PRPH: variants seen among roughly 807,000 people sequenced by gnomAD.
PRPH encodes peripherin, also known as neurofilament 4 (57kD).
In PRPH, 48 loss-of-function variants were observed where a neutral mutation model predicts 52.6. That is an observed-to-expected ratio of 0.91 (90% CI 0.72 to 1.16). PRPH has a LOEUF of 1.16. Among genes scored for constraint, PRPH ranks in the 50% most tolerant of loss-of-function variants. PRPH has a pLI of 0.00. For missense variants in PRPH, 579 were observed against 635.7 expected, an observed-to-expected ratio of 0.91 and a Z score of 0.96; for synonymous variants, 279 against 283.8, an observed-to-expected ratio of 0.98 and a Z score of 0.17.
At chr12:49,298,219 G>C (rs2137041273) in intron 8 of PRPH, 69 bp from the exon 9 acceptor site, 1 of 1,587,408 alleles carries the variant, frequency 6.3e-7, no homozygotes, top group East Asian at 2.2e-5. Flanking sequence ...GGGGCTCTAT[G>C]ATCCAAAGGA....
Position 49,296,800 on chromosome 12 carries a change from C to T in PRPH, c.703-89C>T. 4 of 1,532,448 alleles carry T rather than the reference C, an allele frequency of 2.6e-6. No homozygotes were observed. The highest frequency in any genetic ancestry group is 3.5e-6 in the Non-Finnish European group (4 of 1,135,464). 94.9% of individuals were successfully genotyped at this position (1,532,448 alleles called of 1,614,324 possible). ...TCCCTGGCGCCCACTTCTGTTCGTT[C>T]AAGCGTTTCTTCTCTTTTCTGTGCA... On this transcript the variant is annotated intron_variant, in intron 3 of 8. Transcript: ENST00000257860. This position sits in a 1 kb window ranked among gnomAD's most constrained non-coding sequence, Gnocchi z 5.1.
In PRPH at chr12:49,296,787, A is replaced by G. The variant is rs1426724537; in HGVS notation, c.703-102A>G. 9 of 1,468,842 alleles carry G rather than the reference A, an allele frequency of 6.1e-6. No individual in the cohort carries two copies. The highest frequency in any genetic ancestry group is 1.2e-5 in the South Asian group (1 of 82,794). The allele number at this position is 1,468,842 out of a possible 1,614,324, so 91.0% of individuals were successfully genotyped here. On this transcript the variant is annotated intron_variant, in intron 3 of 8. Transcript: ENST00000257860. This position sits in a 1 kb window ranked among gnomAD's most constrained non-coding sequence, Gnocchi z 5.1. The stretch of plus-strand genomic sequence containing the variant: ...GTACGCCCTGCCCTCCCTGGCGCCC[A>G]CTTCTGTTCGTTCAAGCGTTTCTTC...
intron 1 of PRPH, 139 bp downstream of exon 1, chr12:49,295,884 G>A (rs879718441): frequency 1.4e-6 from 2 of 1,439,602 alleles, no homozygotes; most frequent in African/African-American, 2.9e-5. Flanking sequence ...AGGTGTGTGC[G>A]GGCAGCATCC....
Position 49,295,350 on chromosome 12 carries a change from C to G in PRPH, c.150C>G (p.Ser50=). 1 of 1,610,662 alleles carries G rather than the reference C, an allele frequency of 6.2e-7. No homozygotes were observed. The highest frequency in any genetic ancestry group is 8.5e-7 in the Non-Finnish European group (1 of 1,179,300). ...FSSSRLLGSA[S]PSSSVRLGSF... ...GCAGCCGCCTGCTGGGCTCCGCGTC[C>G]CCGAGCTCCTCGGTGCGCCTGGGCA... The change falls in exon 1 of 9, where the codon TCC becomes TCG. Residue 50 remains serine (S), a synonymous_variant. Transcript: ENST00000257860.
Position 49,295,421 on chromosome 12 carries a change from C to A in PRPH, c.221C>A (p.Pro74His). 6.2e-7 allele frequency: 1 copy of A among 1,604,146 alleles called. No individual in the cohort carries two copies. The highest frequency in any genetic ancestry group is 8.5e-7 in the Non-Finnish European group (1 of 1,176,234). The change falls in exon 1 of 9, where the codon CCC becomes CAC. Residue 74 changes from proline to histidine, a missense_variant. Physicochemically the swap from Pro to His is moderately conservative, Grantham distance 77. Coordinates refer to ENST00000257860, the MANE Select transcript of PRPH (RefSeq NM_006262.4). ...RAGAGALLRLPSERLDFSMAE... is the reference protein window; with the variant it reads ...RAGAGALLRLHSERLDFSMAE... ...GGAGCGGGCGCCCTCCTGCGCCTGCCCTCGGAGCGCCTCGACTTCTCCATG... is the reference window on the plus strand; with the variant it reads ...GGAGCGGGCGCCCTCCTGCGCCTGCACTCGGAGCGCCTCGACTTCTCCATG...
chr12:49,297,281 C>G lies in PRPH; in HGVS notation c.996+8C>G. 1 of 1,613,788 alleles carries G rather than the reference C, an allele frequency of 6.2e-7. No individual in the cohort carries two copies. Among genetic ancestry groups the G allele is most frequent in the Non-Finnish European group, 8.5e-7 (1 of 1,179,956 alleles). On this transcript the variant is annotated splice_region_variant and intron_variant, in intron 5 of 8. Transcript: ENST00000257860. The surrounding 1 kb of genome is among the most constrained non-coding windows in gnomAD (Gnocchi z 4.4). ...GACGGGCTGCGCGGCACGGTGAGTA[C>G]GAAGCTGCGCGCTCGGGCCCGGGGA...
Position 49,298,503 on chromosome 12 carries a change from C to A in PRPH, c.*150C>A. 1.3e-6 allele frequency: 1 copy of A among 794,534 alleles called. No individual in the cohort carries two copies. Among genetic ancestry groups the A allele is most frequent in the Non-Finnish European group, 2.1e-6 (1 of 481,832 alleles). The allele number at this position is 794,534 out of a possible 1,614,324, so 49.2% of individuals were successfully genotyped here. ...TGGCTTATGGCCAAGCCCTACCCGGCCAGCAGTCGCTGGGCCTCTCCCTGC... is the reference window on the plus strand; with the variant it reads ...TGGCTTATGGCCAAGCCCTACCCGGACAGCAGTCGCTGGGCCTCTCCCTGC... On this transcript the variant is annotated 3_prime_UTR_variant, in exon 9 of 9. Transcript: ENST00000257860.
chr12:49,298,435 C>A lies in PRPH; in HGVS notation c.*82C>A, dbSNP rs7137584. ...AGACCACTCCTGAATTGTCTCCTCTCCCTCTGCATGTGTCTAAAAGGTGGT... is the reference window on the plus strand; with the variant it reads ...AGACCACTCCTGAATTGTCTCCTCTACCTCTGCATGTGTCTAAAAGGTGGT... On this transcript the variant is annotated 3_prime_UTR_variant, in exon 9 of 9. Coordinates refer to ENST00000257860, the MANE Select transcript of PRPH (RefSeq NM_006262.4). 1.0e-4 allele frequency: 146 copies of A among 1,446,528 alleles called. No individual in the cohort carries two copies. The highest frequency in any genetic ancestry group is 6.9e-4 in the Middle Eastern group (4 of 5,790). The allele number at this position is 1,446,528 out of a possible 1,614,324, so 89.6% of individuals were successfully genotyped here. A position where few individuals can be genotyped will look rare whatever the true frequency, so the allele number is the denominator to read the frequency against.
In PRPH at chr12:49,297,539, C is replaced by G; in HGVS notation, c.1179C>G (p.Ile393Met). Residue 393 changes from isoleucine (I) to methionine (M), a missense_variant, in exon 6 of 9, where the codon ATC (isoleucine) becomes ATG (methionine). Ile to Met is a conservative substitution (Grantham distance 10). Transcript: ENST00000257860. The surrounding 1 kb of genome is among the most constrained non-coding windows in gnomAD (Gnocchi z 4.4). ...TCAAGATGGCCCTGGACATCGAGAT[C>G]GCCACCTACCGCAAGCTGCTGGAGG... Reference protein sequence around the residue: ...LNVKMALDIEIATYRKLLEGE... With the variant: ...LNVKMALDIEMATYRKLLEGE... 6.2e-7 allele frequency: 1 copy of G among 1,611,664 alleles called. No individual in the cohort carries two copies. The highest frequency in any genetic ancestry group is 1.1e-5 in the South Asian group (1 of 90,970).
In PRPH at chr12:49,297,936, C is replaced by T; in HGVS notation, c.1268-22C>T. 1.2e-6 allele frequency: 2 copies of T among 1,613,402 alleles called. No individual in the cohort carries two copies. Among genetic ancestry groups the T allele is most frequent in the Non-Finnish European group, 1.7e-6 (2 of 1,179,384 alleles). ...AGATTCCCACGCCTTCCCCCTTGAA[C>T]CCTTTATCCTGCTTTCTTCAGTGCC... On this transcript the variant is annotated intron_variant, in intron 7 of 8. Coordinates refer to ENST00000257860, the MANE Select transcript of PRPH (RefSeq NM_006262.4). The surrounding 1 kb of genome is among the most constrained non-coding windows in gnomAD (Gnocchi z 4.4).
At position 49,297,953 on chromosome 12, in the gene PRPH, T is replaced by C. The variant is rs780549117; in HGVS notation, c.1268-5T>C. On this transcript the variant is annotated splice_region_variant and splice_polypyrimidine_tract_variant and intron_variant, in intron 7 of 8. Coordinates refer to ENST00000257860, the MANE Select transcript of PRPH (RefSeq NM_006262.4). The surrounding 1 kb of genome is among the most constrained non-coding windows in gnomAD (Gnocchi z 4.4). Reference sequence around the variant, plus strand: ...CCCTTGAACCCTTTATCCTGCTTTCTTCAGTGCCTGAGGTGGAGCCTCCCC... The same window carrying C: ...CCCTTGAACCCTTTATCCTGCTTTCCTCAGTGCCTGAGGTGGAGCCTCCCC... 3 of 1,614,100 alleles carry C rather than the reference T, an allele frequency of 1.9e-6. No homozygotes were observed. The highest frequency in any genetic ancestry group is 2.2e-5 in the East Asian group (1 of 44,874).
At position 49,297,936 on chromosome 12, in the gene PRPH, C is replaced by G; in HGVS notation, c.1268-22C>G. 3 of 1,613,402 alleles carry G rather than the reference C, an allele frequency of 1.9e-6. No homozygotes were observed. Among genetic ancestry groups the G allele is most frequent in the Non-Finnish European group, 2.5e-6 (3 of 1,179,384 alleles). ...AGATTCCCACGCCTTCCCCCTTGAA[C>G]CCTTTATCCTGCTTTCTTCAGTGCC... On this transcript the variant is annotated intron_variant, in intron 7 of 8. Transcript: ENST00000257860. This position sits in a 1 kb window ranked among gnomAD's most constrained non-coding sequence, Gnocchi z 4.4.
At position 49,295,978 on chromosome 12, in the gene PRPH, C is replaced by G. The variant is rs1329914380; in HGVS notation, c.546-200C>G. On this transcript the variant is annotated intron_variant, in intron 1 of 8. Coordinates refer to ENST00000257860, the MANE Select transcript of PRPH (RefSeq NM_006262.4). ...GGGAGAAGTGGGTATCTGTGCCTCC[C>G]CTGAGTAATGAGGAAACCCCCTTTT... is the stretch of plus-strand genomic sequence containing the variant. 26 of 1,416,432 alleles carry G rather than the reference C, an allele frequency of 1.8e-5. No homozygotes were observed. The Admixed American group carries it at 5.6e-4, about 30-fold the overall frequency. The allele number at this position is 1,416,432 out of a possible 1,614,324, so 87.7% of individuals were successfully genotyped here.
In PRPH at chr12:49,297,609, C is replaced by T. The variant is rs1284577593; in HGVS notation, c.1217+32C>T. 3.9e-6 allele frequency: 1 copy of T among 258,846 alleles called. No homozygotes were observed. Among genetic ancestry groups the T allele is most frequent in the Non-Finnish European group, 7.1e-6 (1 of 141,164 alleles). The allele number at this position is 258,846 out of a possible 1,614,324, so 16.0% of individuals were successfully genotyped here. On this transcript the variant is annotated intron_variant, in intron 6 of 8. Coordinates refer to ENST00000257860, the MANE Select transcript of PRPH (RefSeq NM_006262.4). This position sits in a 1 kb window ranked among gnomAD's most constrained non-coding sequence, Gnocchi z 4.4. ...GTGGAGCTGCTGGGGCGGGGCAGGG[C>T]GGGGTCGGGACTGGGCCGGGCAGGG...
In PRPH at chr12:49,298,629, G is replaced by T; in HGVS notation, c.*276G>T. The T allele has an allele frequency of 2.0e-6, 1 of 494,332 alleles. No individual in the cohort carries two copies. The highest frequency in any genetic ancestry group is 3.7e-6 in the Non-Finnish European group (1 of 270,656). The allele number at this position is 494,332 out of a possible 1,614,324, so 30.6% of individuals were successfully genotyped here. A position where few individuals can be genotyped will look rare whatever the true frequency, so the allele number is the denominator to read the frequency against. ...ATCTACTCCAGCCACGATGAGAAGT[G>T]GGTGAGCCAGGGTCTGAGTTTCACA... On this transcript the variant is annotated 3_prime_UTR_variant, in exon 9 of 9. Transcript: ENST00000257860.
chr12:49,297,301 C>T lies in PRPH; in HGVS notation c.996+28C>T, dbSNP rs751894948. ...GAGTACGAAGCTGCGCGCTCGGGCC[C>T]GGGGAGCGGACGATGAAATGTTCTG... On this transcript the variant is annotated intron_variant, in intron 5 of 8. Transcript: ENST00000257860. The surrounding 1 kb of genome is among the most constrained non-coding windows in gnomAD (Gnocchi z 4.4). 2.5e-6 allele frequency: 4 copies of T among 1,613,710 alleles called. No homozygotes were observed. Among genetic ancestry groups the T allele is most frequent in the South Asian group, 1.1e-5 (1 of 91,076 alleles).
Position 49,296,591 on chromosome 12 carries a change from G to A in PRPH, c.702+64G>A, listed in dbSNP as rs1174867926. 10 of 1,492,648 alleles carry A rather than the reference G, an allele frequency of 6.7e-6. No individual in the cohort carries two copies. Among genetic ancestry groups the A allele is most frequent in the Middle Eastern group, 1.7e-4 (1 of 5,834 alleles). 92.5% of individuals were successfully genotyped at this position (1,492,648 alleles called of 1,614,324 possible). ...TGGGGTGGTCTCGCTGGAGCTGGCG[G>A]GTGGAGCGGAGGCATCGCCCTGGGG... is the stretch of plus-strand genomic sequence containing the variant. On this transcript the variant is annotated intron_variant, in intron 3 of 8. Transcript: ENST00000257860. The surrounding 1 kb of genome is among the most constrained non-coding windows in gnomAD (Gnocchi z 5.1).
At position 49,298,052 on chromosome 12, in the gene PRPH, C is replaced by T. The variant is rs755459304; in HGVS notation, c.1347+15C>T. The T allele has an allele frequency of 1.2e-6, 2 of 1,612,342 alleles. No homozygotes were observed. Among genetic ancestry groups the T allele is most frequent in the South Asian group, 1.1e-5 (1 of 91,018 alleles). On this transcript the variant is annotated intron_variant, in intron 8 of 8. Coordinates refer to ENST00000257860, the MANE Select transcript of PRPH (RefSeq NM_006262.4). ...GGAATGGGGAGGTGAGGCAGGTCCC[C>T]TAATGCCAGGACCCCACCATTTCCC...
In PRPH at chr12:49,295,336, C is replaced by CTGGG. The variant is rs1565657438; in HGVS notation, c.137_140dup (p.Ser48GlyfsTer16). The CTGGG allele has an allele frequency of 6.2e-7, 1 of 1,611,114 alleles. No individual in the cohort carries two copies. The highest frequency in any genetic ancestry group is 2.2e-5 in the East Asian group (1 of 44,840). The stretch of plus-strand genomic sequence containing the variant: ...CTCCCGCTTCTCCAGCAGCCGCCTG[C>CTGGG]TGGGCTCCGCGTCCCCGAGCTCCTC... On this transcript the variant is annotated frameshift_variant, in exon 1 of 9. Coordinates refer to ENST00000257860, the MANE Select transcript of PRPH (RefSeq NM_006262.4). LOFTEE classifies it high-confidence loss of function.
Sources: allele counts gnomAD v4.1 joint callset, GRCh38; gene constraint gnomAD v4.1.1; non-coding constraint Gnocchi (gnomAD v3.1); transcripts MANE v1.5; gene names NCBI Gene and HGNC (gene_info 2026-07-23, HGNC 2026-07-21).